BBS9: variants seen among roughly 807,000 people sequenced by gnomAD.
BBS9 encodes the protein Bardet-Biedl syndrome 9.
A neutral mutation model predicts 117.7 loss-of-function variants in BBS9; 89 were observed. That is an observed-to-expected ratio of 0.76 (90% confidence interval 0.64 to 0.90). The LOEUF (loss-of-function observed/expected upper bound fraction) is 0.90, where lower values mean the gene tolerates loss of function less well. BBS9 is among the 40% of genes least tolerant of loss of function. BBS9 has a pLI of 0.00. For synonymous variants in BBS9, 379 were observed against 370.9 expected, an observed-to-expected ratio of 1.02 and a Z score of -0.25; for missense variants, 982 against 1,042.2, an observed-to-expected ratio of 0.94 and a Z score of 0.80.
chr7:33,258,139 C>T (rs1308308804), intron 6 of BBS9, among the ~76,000 whole-genome samples: 1 of 152,122 alleles, frequency 6.6e-6, no homozygotes, highest in Admixed American at 6.5e-5. Context: ...AGTAGAAATT[C>T]ATGCTGGGAA....
At chr7:33,580,852 C>T (rs1859755007) in intron 21 of BBS9, among the ~76,000 whole-genome samples, 1 of 152,144 alleles carries the variant, frequency 6.6e-6, no homozygotes, top group Admixed American at 6.6e-5. Context: ...CCATGAATAT[C>T]ACTGAAACCC....
chr7:33,368,872 G>T (rs1471833465), intron 17 of BBS9, among the ~76,000 whole-genome samples: 1 of 151,930 alleles, frequency 6.6e-6, no homozygotes, highest in Non-Finnish European at 1.5e-5. Flanking sequence ...TATGTCAATT[G>T]GTGACTGGTA....
rs144639453 is a variant in BBS9, at chr7:33,580,862, C to T, written c.2522-24003C>T. ...GGTTTCCATGAATATCACTGAAACC[C>T]GTGATTCAGTAACTTGGAGTGCTAG... On this transcript the variant is annotated intron_variant, in intron 21 of 22. Coordinates refer to ENST00000242067, the MANE Select transcript of BBS9 (RefSeq NM_198428.3). 4.6e-4 allele frequency among the ~76,000 whole-genome samples: 70 copies of T among 152,254 alleles called. No homozygotes were observed. In the East Asian group the frequency reaches 0.013, roughly 28 times the overall value.
intron 19 of BBS9, among the ~76,000 whole-genome samples, chr7:33,434,741 G>A (rs868226833): frequency 6.6e-6 from 1 of 152,042 alleles, no homozygotes; most frequent in Non-Finnish European, 1.5e-5. Flanking sequence ...CAAAGTCTAG[G>A]TAATCTAATC....
intron 9 of BBS9, among the ~76,000 whole-genome samples, chr7:33,287,421 C>T (rs1803113519): frequency 6.6e-6 from 1 of 152,136 alleles, no homozygotes; most frequent in Admixed American, 6.5e-5. Context: ...ATTGAAATTA[C>T]TAAAAGTTGG....
chr7:33,270,563 A>G (rs1215973036), intron 7 of BBS9, among the ~76,000 whole-genome samples: 1 of 152,260 alleles, frequency 6.6e-6, no homozygotes, highest in Non-Finnish European at 1.5e-5. Context: ...AGAATTCGTA[A>G]TGTAATCACA....
At chr7:33,162,236 G>A (rs1794972446) in intron 4 of BBS9, among the ~76,000 whole-genome samples, 1 of 152,158 alleles carries the variant, frequency 6.6e-6, no homozygotes, top group African/African-American at 2.4e-5. Flanking sequence ...AAGGTGTAAG[G>A]AAGGGATCCA....
chr7:33,504,335 T>A (rs184333042), intron 19 of BBS9, among the ~76,000 whole-genome samples: 222 of 152,306 alleles, frequency 1.5e-3, no homozygotes, highest in African/African-American at 5.0e-3. Flanking sequence ...CTACATCTCT[T>A]TTCCAGTATC....
chr7:33,237,034 G>T (rs1446328518), intron 5 of BBS9, among the ~76,000 whole-genome samples: 4 of 151,756 alleles, frequency 2.6e-5, no homozygotes, highest in African/African-American at 9.7e-5. Flanking sequence ...ATAAATCATT[G>T]AACTTATTTG....
chr7:33,504,466 G>A (rs1179571665), intron 19 of BBS9, among the ~76,000 whole-genome samples: 2 of 152,088 alleles, frequency 1.3e-5, no homozygotes, highest in African/African-American at 2.4e-5. Flanking sequence ...CTTTGGGCCC[G>A]TGTCAATAAA....
intron 21 of BBS9, among the ~76,000 whole-genome samples, chr7:33,561,636 A>C (rs929889308): frequency 2.0e-5 from 3 of 152,234 alleles, no homozygotes; most frequent in Non-Finnish European, 4.4e-5. Context: ...TCTCTCTAAA[A>C]ACTAGAGAGG....
At chr7:33,320,120 C>G (rs1322686399) in intron 9 of BBS9, among the ~76,000 whole-genome samples, 1 of 152,054 alleles carries the variant, frequency 6.6e-6, no homozygotes, top group Non-Finnish European at 1.5e-5. Context: ...TTCAGTTATA[C>G]TCTTTAGCTA....
rs996816075 is a variant in BBS9, at chr7:33,171,405, A to G, written c.329-6073A>G. On this transcript the variant is annotated intron_variant, in intron 4 of 22. Transcript: ENST00000242067. ...CTGGGAAAACTGGCTAGCCATATGT[A>G]GAAAGCTGAAACATATCTTGCTTTT... Among the ~76,000 whole-genome samples the G allele has an allele frequency of 1.8e-4, 27 of 152,358 alleles. 1 individual carries two copies. The highest frequency in any genetic ancestry group is 6.3e-4 in the African/African-American group (26 of 41,584).
At chr7:33,527,968 G>A (rs1158833442) in intron 20 of BBS9, among the ~76,000 whole-genome samples, 4 of 151,966 alleles carry the variant, frequency 2.6e-5, no homozygotes, top group African/African-American at 9.7e-5. Context: ...TTGTTCTGGG[G>A]TTTACAATAA....
At chr7:33,448,368 C>G (rs1584868034) in intron 19 of BBS9, among the ~76,000 whole-genome samples, 3 of 152,272 alleles carry the variant, frequency 2.0e-5, no homozygotes, top group South Asian at 4.1e-4. Context: ...AGTGCATTCC[C>G]TTTGCCTTGG....
intron 19 of BBS9, among the ~76,000 whole-genome samples, chr7:33,412,841 A>G (rs1831378162): frequency 6.6e-6 from 1 of 152,208 alleles, no homozygotes; most frequent in African/African-American, 2.4e-5. Flanking sequence ...TCATAGGACT[A>G]GAAGTGACAT....
intron 5 of BBS9, among the ~76,000 whole-genome samples, chr7:33,180,654 C>T (rs1028801556): frequency 6.6e-5 from 10 of 152,128 alleles, no homozygotes; most frequent in Admixed American, 2.0e-4. Context: ...TGCACCTGGC[C>T]GAGAAAATTC....
chr7:33,571,344 T>G (rs1402504318), intron 21 of BBS9, among the ~76,000 whole-genome samples: 1 of 151,364 alleles, frequency 6.6e-6, no homozygotes, highest in Non-Finnish European at 1.5e-5. Flanking sequence ...AAGAACAGAA[T>G]AGAATAGAGA....
intron 4 of BBS9, among the ~76,000 whole-genome samples, chr7:33,162,141 G>GCC (rs1474345690): frequency 6.6e-6 from 1 of 152,108 alleles, no homozygotes; most frequent in African/African-American, 2.4e-5. Context: ...TGTCCTGAAT[G>GCC]ATATTGCCTA....
Sources: allele counts gnomAD v4.1 joint callset (sites outside exome capture counted in the v4.1 genomes callset), GRCh38; gene constraint gnomAD v4.1.1; transcripts MANE v1.5; gene names NCBI Gene and HGNC (gene_info 2026-07-23, HGNC 2026-07-21).